PLEKHA5: variants seen among roughly 807,000 people sequenced by gnomAD.
PLEKHA5 encodes pleckstrin homology domain containing A5.
In PLEKHA5, 55 loss-of-function variants were observed where a neutral mutation model predicts 181.9. The ratio of observed to expected loss-of-function variants is 0.30; its 90% CI spans 0.24 to 0.38. The LOEUF is 0.38. Ranked by LOEUF, PLEKHA5 falls within the 10% of genes least tolerant of loss-of-function variation. PLEKHA5 has a pLI of 1.00. For missense variants in PLEKHA5, 1,432 were observed against 1,549.5 expected, an observed-to-expected ratio of 0.92 and a Z score of 1.27; for synonymous variants, 535 against 529.4, an observed-to-expected ratio of 1.01 and a Z score of -0.15.
chr12:19,354,470 TAAAAAAAAA>T (rs77223013), intron 26 of PLEKHA5, among the ~76,000 whole-genome samples: 43 of 132,942 alleles, frequency 3.2e-4, no homozygotes, highest in African/African-American at 1.1e-3. Context: ...TAGTTATTCT[TAAAAAAAAA>T]AAATTGTTTT....
At chr12:19,249,206 A>G (rs1364506068) in intron 3 of PLEKHA5, among the ~76,000 whole-genome samples, 1 of 152,120 alleles carries the variant, frequency 6.6e-6, no homozygotes, top group Non-Finnish European at 1.5e-5. Context: ...GATTAACTAC[A>G]ATAACTAATA....
At position 19,211,497 on chromosome 12, in the gene PLEKHA5, G is replaced by T. The variant is rs184760719; in HGVS notation, c.228-42443G>T. Among the ~76,000 whole-genome samples the T allele has an allele frequency of 3.0e-4, 46 of 152,186 alleles. 1 individual carries two copies. The highest frequency in any genetic ancestry group is 2.1e-3 in the Admixed American group (32 of 15,278). ...CCAAGGCATGCAGAAGCTGGAAGAG[G>T]CGACCATGAACTTATTCTCCTTTAC... On this transcript the variant is annotated intron_variant, in intron 3 of 31. Coordinates refer to ENST00000429027, the MANE Select transcript of PLEKHA5 (RefSeq NM_001256470.2).
At chr12:19,160,986 A>T (rs759287268) in intron 3 of PLEKHA5, among the ~76,000 whole-genome samples, 17 of 152,166 alleles carry the variant, frequency 1.1e-4, no homozygotes, top group Admixed American at 2.0e-4. Context: ...TTTTGTTTTC[A>T]TTTTAATCAA....
At chr12:19,214,446 G>A (rs2057551599) in intron 3 of PLEKHA5, among the ~76,000 whole-genome samples, 1 of 152,146 alleles carries the variant, frequency 6.6e-6, no homozygotes, top group African/African-American at 2.4e-5. Flanking sequence ...GACTGAGAAG[G>A]AAAAGAGAAA....
intron 3 of PLEKHA5, among the ~76,000 whole-genome samples, chr12:19,226,581 CT>C (rs2059725235): frequency 6.6e-6 from 1 of 152,178 alleles, no homozygotes; most frequent in Non-Finnish European, 1.5e-5. Context: ...AGATCCTGAA[CT>C]GACTCTTGGA....
chr12:19,311,497 G>C (rs966729960), intron 15 of PLEKHA5, among the ~76,000 whole-genome samples: 1 of 150,414 alleles, frequency 6.6e-6, no homozygotes, highest in African/African-American at 2.4e-5. Context: ...CTCAAACTCT[G>C]CTGCTGCTTT....
At chr12:19,323,016 A>ATTTTTTTT (rs538132540) in intron 20 of PLEKHA5, among the ~76,000 whole-genome samples, 1 of 92,756 alleles carries the variant, frequency 1.1e-5, no homozygotes, top group Non-Finnish European at 2.1e-5. Flanking sequence ...ACCTGGCTAG[A>ATTTTTTTT]TTTTTTTTTT....
intron 3 of PLEKHA5, among the ~76,000 whole-genome samples, chr12:19,221,373 T>A (rs1412286657): frequency 6.6e-6 from 1 of 152,186 alleles, no homozygotes; most frequent in Non-Finnish European, 1.5e-5. Flanking sequence ...TGCATATTGC[T>A]AAGTGAAAGA....
chr12:19,193,424 T>A (rs1172389279), intron 3 of PLEKHA5, among the ~76,000 whole-genome samples: 1 of 152,220 alleles, frequency 6.6e-6, no homozygotes, highest in Non-Finnish European at 1.5e-5. Flanking sequence ...TTTAATCAAT[T>A]TCTTACTTCA....
chr12:19,311,544 C>T (rs1200690914), intron 15 of PLEKHA5, among the ~76,000 whole-genome samples: 1 of 152,020 alleles, frequency 6.6e-6, no homozygotes, highest in Non-Finnish European at 1.5e-5. Flanking sequence ...GCTTTGTTGT[C>T]AACAATGTTC....
intron 3 of PLEKHA5, chr12:19,149,982 A>T (rs181244270): frequency 6.6e-6 from 1 of 152,342 alleles, no homozygotes; most frequent in East Asian, 1.9e-4. Context: ...ACAAGGTTGT[A>T]GATACAAGGA....
chr12:19,265,684 G>T, intron 7 of PLEKHA5, 66 bp from the exon 8 acceptor site: 2 of 890,678 alleles, frequency 2.2e-6, no homozygotes, highest in Non-Finnish European at 3.7e-6. Context: ...GGCAAAAATA[G>T]ATCTTGAAAA....
At chr12:19,343,171 G>A in intron 21 of PLEKHA5, 152 bp from the exon 22 acceptor site, 1 of 469,960 alleles carries the variant, frequency 2.1e-6, no homozygotes. Flanking sequence ...TTGCAAAATT[G>A]GGAGAGTCAC....
At chr12:19,343,953 TAGAC>T (rs2094137247) in intron 22 of PLEKHA5, among the ~76,000 whole-genome samples, 1 of 151,294 alleles carries the variant, frequency 6.6e-6, no homozygotes, top group Non-Finnish European at 1.5e-5. Flanking sequence ...TCAGGAAGCT[TAGAC>T]AGGAGAATCG....
intron 5 of PLEKHA5, among the ~76,000 whole-genome samples, chr12:19,256,918 A>G (rs2067030120): frequency 6.6e-6 from 1 of 152,218 alleles, no homozygotes; most frequent in South Asian, 2.1e-4. Flanking sequence ...AAAACACTAC[A>G]TCACATTAAG....
intron 26 of PLEKHA5, among the ~76,000 whole-genome samples, chr12:19,356,806 G>A (rs530371017): frequency 3.3e-5 from 5 of 150,664 alleles, no homozygotes; most frequent in East Asian, 4.0e-4. Flanking sequence ...GCCTACAGGC[G>A]CCCGCCATCA....
intron 25 of PLEKHA5, among the ~76,000 whole-genome samples, chr12:19,349,240 C>T (rs188920150): frequency 2.5e-4 from 38 of 152,002 alleles, no homozygotes; most frequent in African/African-American, 8.7e-4. Flanking sequence ...TTCAGCCTTC[C>T]AAGTAGCTGG....
chr12:19,366,386 T>C (rs1244706248), intron 30 of PLEKHA5, among the ~76,000 whole-genome samples: 1 of 152,142 alleles, frequency 6.6e-6, no homozygotes, highest in African/African-American at 2.4e-5. Flanking sequence ...CCGGGTGCGG[T>C]GGCTCACACC....
Position 19,358,260 on chromosome 12 carries a change from T to C in PLEKHA5, c.3171T>C (p.Cys1057=), listed in dbSNP as rs772056232. 94 of 1,613,820 alleles carry C rather than the reference T, an allele frequency of 5.8e-5. No homozygotes were observed. The highest frequency in any genetic ancestry group is 8.5e-7 in the Non-Finnish European group (1 of 1,179,880). Residue 1057 remains cysteine, a synonymous_variant, in exon 27 of 32, where the codon TGT becomes TGC. Coordinates refer to ENST00000429027, the MANE Select transcript of PLEKHA5 (RefSeq NM_001256470.2). ...ERPRSAVEQL[C]LAESTRPRMT... ...CAAGAAGTGCAGTGGAACAGCTCTG[T>C]TTGGCTGAAAGTACTCGACCAAGGA...
Sources: gnomAD v4.1 joint callset for allele counts (sites outside exome capture counted in the v4.1 genomes callset) on GRCh38, gnomAD v4.1.1 for gene constraint, MANE v1.5 for transcripts, NCBI Gene and HGNC (gene_info 2026-07-23, HGNC 2026-07-21) for gene names.